Variants in ADSS1 observed in about 807,000 individuals in gnomAD.
ADSS1 encodes adenylosuccinate synthetase isozyme 1.
Under a neutral mutation model 59.1 loss-of-function variants are expected in ADSS1, and 57 were observed. The observed-to-expected ratio is 0.97, with a 90% CI of 0.78 to 1.20. ADSS1 has a LOEUF of 1.20. ADSS1 is among the 50% of genes most tolerant of loss of function. The pLI is 0.00. For synonymous variants in ADSS1, 247 were observed against 249.4 expected (o/e 0.99, Z 0.09); for missense variants, 603 against 610.3 (o/e 0.99, Z 0.13).
chr14:104,728,699 C>T (rs930531897), intron 1 of ADSS1, among the ~76,000 whole-genome samples: 9 of 152,234 alleles, frequency 5.9e-5, no homozygotes, highest in Non-Finnish European at 1.3e-4. Context: ...AGCCTCACGG[C>T]CTCTGAAAAG....
At chr14:104,738,145 C>T (rs760932125) in intron 2 of ADSS1, 15 of 371,550 alleles carry the variant, frequency 4.0e-5, no homozygotes, top group African/African-American at 8.5e-5. Context: ...TACAGGCATG[C>T]GCCACCATGC....
chr14:104,744,549 G>A (rs1017675074), intron 10 of ADSS1: 23 of 466,558 alleles, frequency 4.9e-5, no homozygotes, highest in South Asian at 3.1e-4. Flanking sequence ...TAGATCCCTC[G>A]CATGCACAGT....
At chr14:104,741,314 G>T (rs567291229) in intron 8 of ADSS1, 71 bp downstream of exon 8, 11 of 1,500,126 alleles carry the variant, frequency 7.3e-6, no homozygotes, top group Non-Finnish European at 9.8e-6. Flanking sequence ...GCGGAGAGCC[G>T]TGGGAACCGA....
chr14:104,742,214 A>C (rs1891391269), intron 9 of ADSS1, among the ~76,000 whole-genome samples: 1 of 152,210 alleles, frequency 6.6e-6, no homozygotes, highest in African/African-American at 2.4e-5. Context: ...ACAGCACGTG[A>C]GCTCACACGG....
chr14:104,740,526 G>A lies in ADSS1; in HGVS notation c.477-75G>A. 1.5e-6 allele frequency: 2 copies of A among 1,376,146 alleles called. No individual in the cohort carries two copies. The highest frequency in any genetic ancestry group is 2.0e-6 in the Non-Finnish European group (2 of 981,288). The allele number at this position is 1,376,146 out of a possible 1,614,324, so 85.2% of individuals were successfully genotyped here. A position where few individuals can be genotyped will look rare whatever the true frequency, so the allele number is the denominator to read the frequency against. On this transcript the variant is annotated intron_variant, in intron 5 of 12. Transcript: ENST00000330877. This position sits in a 1 kb window ranked among gnomAD's most constrained non-coding sequence, Gnocchi z 4.8. ...GCACTGGAGTCATGAGCCGGCGGGG[G>A]TCATGGCCTCAGTGGGATGCCTGAG...
At chr14:104,743,239 G>C (rs202143422) in intron 10 of ADSS1, 48 bp downstream of exon 10, 5 of 1,596,176 alleles carry the variant, frequency 3.1e-6, no homozygotes, top group Non-Finnish European at 4.3e-6. Flanking sequence ...CCTGACTCCC[G>C]ACACCTGCAG....
At chr14:104,737,997 G>T in intron 2 of ADSS1, 1 of 246,316 alleles carries the variant, frequency 4.1e-6, no homozygotes. Flanking sequence ...TTTTGTTGTT[G>T]TTTGTTTGCT....
At chr14:104,743,272 G>C in intron 10 of ADSS1, 81 bp downstream of exon 10, 1 of 1,563,768 alleles carries the variant, frequency 6.4e-7, no homozygotes, top group East Asian at 2.3e-5. Context: ...CTTGACGCAG[G>C]GGCTGAGGGC....
At chr14:104,736,882 A>ATATATATG (rs1555378552) in intron 2 of ADSS1, among the ~76,000 whole-genome samples, 1 of 5,250 alleles carries the variant, frequency 1.9e-4, no homozygotes, top group Non-Finnish European at 3.5e-4. Flanking sequence ...CACCTAGCTG[A>ATATATATG]TATATATATA....
chr14:104,746,459 C>G, intron 12 of ADSS1, 74 bp downstream of exon 12: 2 of 1,518,630 alleles, frequency 1.3e-6, no homozygotes, highest in Admixed American at 2.1e-5. Flanking sequence ...CAGCGCAGGG[C>G]TTGGTGAGCA....
chr14:104,746,466 A>G, intron 12 of ADSS1, 81 bp downstream of exon 12: 2 of 1,498,650 alleles, frequency 1.3e-6, no homozygotes, highest in Non-Finnish European at 1.8e-6. Context: ...GGGCTTGGTG[A>G]GCAATAAGAA....
chr14:104,742,732 G>A (rs970650167), intron 9 of ADSS1, among the ~76,000 whole-genome samples: 8 of 152,030 alleles, frequency 5.3e-5, no homozygotes, highest in African/African-American at 9.7e-5. Flanking sequence ...GGCCAGGCCC[G>A]CCTCCCCCAG....
chr14:104,746,471 T>C, intron 12 of ADSS1, 86 bp downstream of exon 12: 1 of 1,485,382 alleles, frequency 6.7e-7, no homozygotes, highest in Non-Finnish European at 9.0e-7. Flanking sequence ...TGGTGAGCAA[T>C]AAGAAAACCA....
At chr14:104,737,871 C>T (rs1258264881) in intron 2 of ADSS1, 1 of 153,676 alleles carries the variant, frequency 6.5e-6, no homozygotes, top group Non-Finnish European at 1.4e-5. Context: ...GAATACTCTT[C>T]CATCGTATGG....
chr14:104,733,940 C>T (rs1301999125), intron 1 of ADSS1, among the ~76,000 whole-genome samples: 2 of 152,216 alleles, frequency 1.3e-5, no homozygotes, highest in Non-Finnish European at 2.9e-5. Flanking sequence ...GAGACCTGGC[C>T]TTCTCTCCTG....
At chr14:104,730,257 G>T in intron 1 of ADSS1, 1 of 1,444,864 alleles carries the variant, frequency 6.9e-7, no homozygotes, top group Non-Finnish European at 9.2e-7. Flanking sequence ...ACTTTGGGAG[G>T]CCGAGGCGAG....
Position 104,741,117 on chromosome 14 carries a change from G to A in ADSS1, c.667G>A (p.Gly223Ser), listed in dbSNP as rs1261715203. The A allele has an allele frequency of 6.3e-7, 1 of 1,598,558 alleles. No homozygotes were observed. ...DIEGQLKRLKGFAERIRPMVR... is the reference protein window; with the variant it reads ...DIEGQLKRLKSFAERIRPMVR... The stretch of plus-strand genomic sequence containing the variant: ...TCTGCTGCTTGGCCCTTCCTTGCAG[G>A]GCTTTGCTGAGCGGATCAGACCCAT... The change falls in exon 8 of 13, where the codon GGC becomes AGC. Residue 223 changes from glycine (G) to serine (S), a missense_variant and splice_region_variant. Physicochemically the swap from Gly to Ser is moderately conservative, Grantham distance 56. Transcript: ENST00000330877.
At chr14:104,736,382 G>C (rs1476361736) in intron 2 of ADSS1, among the ~76,000 whole-genome samples, 1 of 152,258 alleles carries the variant, frequency 6.6e-6, no homozygotes, top group Non-Finnish European at 1.5e-5. Flanking sequence ...CACATGGCAG[G>C]AAACAAGGCC....
At position 104,739,815 on chromosome 14, in the gene ADSS1, A is replaced by T; in HGVS notation, c.475A>T (p.Asn159Tyr). 6.2e-7 allele frequency: 1 copy of T among 1,613,802 alleles called. No individual in the cohort carries two copies. The highest frequency in any genetic ancestry group is 8.5e-7 in the Non-Finnish European group (1 of 1,179,986). ...EVQRQAQEGK[N>Y]IGTTKKGIGP... Reference sequence around the variant, plus strand: ...GCAGCGCCAGGCACAAGAGGGGAAGAAGTAAGTCTGCCGGGACACTCTCAC... The same window carrying T: ...GCAGCGCCAGGCACAAGAGGGGAAGTAGTAAGTCTGCCGGGACACTCTCAC... The change falls in exon 5 of 13, where the codon AAT (asparagine) becomes TAT (tyrosine). Residue 159 changes from asparagine (N) to tyrosine (Y), a missense_variant and splice_region_variant. Physicochemically the swap from Asn to Tyr is moderately radical, Grantham distance 143 (BLOSUM62 -2). Transcript: ENST00000330877.
Sources: allele counts gnomAD v4.1 joint callset (sites outside exome capture counted in the v4.1 genomes callset), GRCh38; gene constraint gnomAD v4.1.1; non-coding constraint Gnocchi (gnomAD v3.1); transcripts MANE v1.5; gene names NCBI Gene and HGNC (gene_info 2026-07-23, HGNC 2026-07-21).